HTR4: variants seen among roughly 807,000 people sequenced by gnomAD.
HTR4 encodes 5-hydroxytryptamine (serotonin) receptor 4, G protein-coupled.
HTR4 carries 16 observed loss-of-function variants against 36.8 expected under a neutral mutation model. That is an observed-to-expected ratio of 0.43 (90% CI 0.29 to 0.66). HTR4 has a LOEUF of 0.66. HTR4 is among the 30% of genes least tolerant of loss of function. The pLI is 0.13. For synonymous variants in HTR4, 189 were observed against 185.1 expected, an observed-to-expected ratio of 1.02 and a Z score of -0.17; for missense variants, 438 against 490.9, an observed-to-expected ratio of 0.89 and a Z score of 1.02.
intron 2 of HTR4, among the ~76,000 whole-genome samples, chr5:148,631,601 G>A (rs983967570): frequency 1.3e-5 from 2 of 152,088 alleles, no homozygotes; most frequent in Non-Finnish European, 2.9e-5. Context: ...CTTTAGTGAA[G>A]CATAATGTGT....
At chr5:148,561,111 G>A (rs1760184435) in intron 2 of HTR4, among the ~76,000 whole-genome samples, 2 of 152,118 alleles carry the variant, frequency 1.3e-5, no homozygotes, top group South Asian at 4.1e-4. Flanking sequence ...GGTGGTTGGT[G>A]CACAGCTGGT....
chr5:148,618,789 C>A (rs1752804723), intron 2 of HTR4, among the ~76,000 whole-genome samples: 2 of 152,178 alleles, frequency 1.3e-5, no homozygotes, highest in South Asian at 4.1e-4. Context: ...AGTCTTCATT[C>A]AAGAAATGGA....
At chr5:148,554,176 A>C (rs1204240525) in intron 2 of HTR4, among the ~76,000 whole-genome samples, 2 of 152,170 alleles carry the variant, frequency 1.3e-5, no homozygotes, top group Admixed American at 6.5e-5. Context: ...CCCGGGTTCA[A>C]GTTATTCTTC....
At chr5:148,475,575 T>C (rs1293211253), downstream of HTR4, among the ~76,000 whole-genome samples, 2 of 152,162 alleles carry the variant, frequency 1.3e-5, no homozygotes, top group Non-Finnish European at 2.9e-5. Context: ...GCCAAATCCT[T>C]TACCATCTCC....
At chr5:148,652,942 A>G (rs571704314) in intron 1 of HTR4, among the ~76,000 whole-genome samples, 3 of 152,252 alleles carry the variant, frequency 2.0e-5, no homozygotes, top group African/African-American at 7.2e-5. Context: ...AGAACTCTGC[A>G]GGTCTCATCC....
chr5:148,535,519 T>C (rs1335640650), intron 4 of HTR4, among the ~76,000 whole-genome samples: 5 of 151,840 alleles, frequency 3.3e-5, no homozygotes, highest in Non-Finnish European at 5.9e-5. Flanking sequence ...AAGGATGAAA[T>C]AGCCAGTATA....
chr5:148,568,514 T>C (rs1760546541), intron 2 of HTR4, among the ~76,000 whole-genome samples: 1 of 152,152 alleles, frequency 6.6e-6, no homozygotes, highest in South Asian at 2.1e-4. Context: ...TGGTAATGAA[T>C]TACATATTGT....
chr5:148,487,416 AAGGAGGAGG>A (rs531402129), intron 6 of HTR4, among the ~76,000 whole-genome samples: 6 of 151,878 alleles, frequency 4.0e-5, no homozygotes, highest in Non-Finnish European at 4.4e-5. Context: ...GGAAGAAGAA[AAGGAGGAGG>A]AGGAGGAGGA....
chr5:148,651,682 G>C (rs1416465930), intron 1 of HTR4, among the ~76,000 whole-genome samples: 3 of 151,454 alleles, frequency 2.0e-5, no homozygotes, highest in African/African-American at 7.3e-5. Context: ...ATGCTGTGAA[G>C]TTACCTTAAT....
chr5:148,502,135 C>T (rs1226090533), intron 6 of HTR4, among the ~76,000 whole-genome samples: 2 of 151,950 alleles, frequency 1.3e-5, no homozygotes, highest in Non-Finnish European at 2.9e-5. Flanking sequence ...TGTCTGACAA[C>T]TTTGAAGAGA....
At chr5:148,451,405 A>T in intron 5 of HTR4, 1 of 1,467,958 alleles carries the variant, frequency 6.8e-7, no homozygotes, top group Non-Finnish European at 9.2e-7. Context: ...GGGAGTGGGG[A>T]TGGGGTGATA....
intron 6 of HTR4, among the ~76,000 whole-genome samples, chr5:148,495,277 T>C: frequency 6.6e-6 from 1 of 152,212 alleles, no homozygotes; most frequent in East Asian, 1.9e-4. Context: ...ATTTTGACAA[T>C]GAAGGAGTGA....
At chr5:148,520,537 T>C (rs1757961499) in intron 5 of HTR4, among the ~76,000 whole-genome samples, 1 of 152,158 alleles carries the variant, frequency 6.6e-6, no homozygotes. Context: ...AAGCCCGGGC[T>C]CAGATACAGT....
intron 2 of HTR4, among the ~76,000 whole-genome samples, chr5:148,581,911 G>A (rs751553918): frequency 1.3e-5 from 2 of 152,062 alleles, no homozygotes; most frequent in African/African-American, 2.4e-5. Context: ...CATTGAATCT[G>A]TAAGTTACTG....
intron 2 of HTR4, among the ~76,000 whole-genome samples, chr5:148,587,731 G>A (rs1412128074): frequency 6.6e-6 from 1 of 152,136 alleles, no homozygotes; most frequent in Non-Finnish European, 1.5e-5. Context: ...AGAGAATGGT[G>A]TTACTTTGGG....
At chr5:148,577,832 G>A (rs1490716489) in intron 2 of HTR4, among the ~76,000 whole-genome samples, 1 of 151,984 alleles carries the variant, frequency 6.6e-6, no homozygotes, top group Admixed American at 6.6e-5. Context: ...TGGAGGGTGA[G>A]AGGAGGGAGG....
At chr5:148,621,832 T>C (rs1276864851) in intron 2 of HTR4, among the ~76,000 whole-genome samples, 1 of 152,186 alleles carries the variant, frequency 6.6e-6, no homozygotes, top group African/African-American at 2.4e-5. Context: ...GTCATGATTA[T>C]CATTTTTAGA....
intron 5 of HTR4, among the ~76,000 whole-genome samples, chr5:148,513,469 G>A (rs577666241): frequency 2.0e-5 from 3 of 152,240 alleles, no homozygotes; most frequent in East Asian, 1.9e-4. Context: ...ATGGCTCCAC[G>A]TTTGGATTTC....
At chr5:148,457,814 A>ATATATCATTAAAATATATATTTTGT (rs1366027198) in intron 5 of HTR4, among the ~76,000 whole-genome samples, 1 of 90,900 alleles carries the variant, frequency 1.1e-5, no homozygotes, top group Admixed American at 9.8e-5. Flanking sequence ...ATATATTTTG[A>ATATATCATTAAAATATATATTTTGT]TATATCATTA....
Sources: gnomAD v4.1 joint callset for allele counts (sites outside exome capture counted in the v4.1 genomes callset) on GRCh38, gnomAD v4.1.1 for gene constraint, MANE v1.5 for transcripts, NCBI Gene and HGNC (gene_info 2026-07-23, HGNC 2026-07-21) for gene names.